ALDH5A1: variants seen among roughly 807,000 people sequenced by gnomAD.
ALDH5A1 encodes the protein aldehyde dehydrogenase 5 family member A1.
Under a neutral mutation model 54.7 loss-of-function variants are expected in ALDH5A1, and 33 were observed. That is an observed-to-expected ratio of 0.60 (90% CI 0.46 to 0.81). The LOEUF (loss-of-function observed/expected upper bound fraction) is 0.81. ALDH5A1 is among the 30% of genes least tolerant of loss of function. The pLI is 0.00. For missense variants in ALDH5A1, 657 were observed against 711.0 expected (o/e 0.92, Z 0.86); for synonymous variants, 294 against 292.7 (o/e 1.00, Z -0.05).
intron 4 of ALDH5A1, among the ~76,000 whole-genome samples, chr6:24,506,273 T>TTTTTTTTTTTTTTTTG (rs1390825941): frequency 9.5e-6 from 1 of 105,014 alleles, no homozygotes; most frequent in Non-Finnish European, 1.8e-5. Context: ...TTTTTTTTTT[T>TTTTTTTTTTTTTTTTG]GAGACAGTCT....
intron 1 of ALDH5A1, among the ~76,000 whole-genome samples, chr6:24,495,694 C>T (rs6921275): frequency 0.03 from 4,620 of 152,186 alleles, 151 homozygotes; most frequent in African/African-American, 0.071. Flanking sequence ...GGAGGGGTGT[C>T]AGGGAAGTGA....
chr6:24,535,780 A>C lies in ALDH5A1; in HGVS notation c.*2068A>C, dbSNP rs1760035877. The C allele has an allele frequency of 6.6e-6, 1 of 152,242 alleles. No homozygotes were observed. The highest frequency in any genetic ancestry group is 2.4e-5 in the African/African-American group (1 of 41,454). 9.4% of individuals were successfully genotyped at this position (152,242 alleles called of 1,614,324 possible). On this transcript the variant is annotated 3_prime_UTR_variant, in exon 10 of 10. Coordinates refer to ENST00000357578, the MANE Select transcript of ALDH5A1 (RefSeq NM_001080.3). ...CAGTGAGCAGAGATCACGCCACTGC[A>C]CTCCAGCCTGGATGACAGAGCGAGA...
At position 24,509,469 on chromosome 6, in the gene ALDH5A1, C is replaced by T. The variant is rs1397230180; in HGVS notation, c.726+4484C>T. Reference sequence around the variant, plus strand: ...AATTCTGCTGTGAATCTGTCTGGTCCTGAACTTTTTTTGGTTGGTAATTAT... The same window carrying T: ...AATTCTGCTGTGAATCTGTCTGGTCTTGAACTTTTTTTGGTTGGTAATTAT... On this transcript the variant is annotated intron_variant, in intron 4 of 9. Coordinates refer to ENST00000357578, the MANE Select transcript of ALDH5A1 (RefSeq NM_001080.3). This position sits in a 1 kb window ranked among gnomAD's most constrained non-coding sequence, Gnocchi z 4.7. 6.6e-6 allele frequency among the ~76,000 whole-genome samples: 1 copy of T among 152,156 alleles called. No homozygotes were observed. The highest frequency in any genetic ancestry group is 1.5e-5 in the Non-Finnish European group (1 of 68,016).
At chr6:24,524,747 G>A (rs1759769509) in intron 7 of ALDH5A1, among the ~76,000 whole-genome samples, 1 of 152,236 alleles carries the variant, frequency 6.6e-6, no homozygotes, top group Non-Finnish European at 1.5e-5. Context: ...CACTTGTCTA[G>A]TGAAGGCAAT....
intron 7 of ALDH5A1, among the ~76,000 whole-genome samples, chr6:24,524,093 C>G (rs1759757931): frequency 6.7e-6 from 1 of 148,174 alleles, no homozygotes; most frequent in African/African-American, 2.5e-5. Context: ...TCAATTGATT[C>G]TCCTGCCTCA....
At chr6:24,527,669 C>G (rs979322639) in intron 7 of ALDH5A1, among the ~76,000 whole-genome samples, 4 of 152,176 alleles carry the variant, frequency 2.6e-5, no homozygotes, top group African/African-American at 9.7e-5. Context: ...ATCCAAGAAG[C>G]TAGAAATAAC....
At chr6:24,508,212 A>C (rs1247371471) in intron 4 of ALDH5A1, among the ~76,000 whole-genome samples, 1 of 151,640 alleles carries the variant, frequency 6.6e-6, no homozygotes, top group African/African-American at 2.4e-5. Context: ...AAAATACAAA[A>C]ATTAGCTGGG....
Position 24,522,782 on chromosome 6 carries a change from A to G in ALDH5A1, c.1030A>G (p.Asn344Asp). 1 of 1,613,990 alleles carries G rather than the reference A, an allele frequency of 6.2e-7. No homozygotes were observed. Among genetic ancestry groups the G allele is most frequent in the Non-Finnish European group, 8.5e-7 (1 of 1,179,956 alleles). ...TCCTGTCCAGACTTGTGTTTGCTCAAACCAATTCTTGGTGCAAAGGGGCAT... is the reference window on the plus strand; with the variant it reads ...TCCTGTCCAGACTTGTGTTTGCTCAGACCAATTCTTGGTGCAAAGGGGCAT... The part of the protein sequence containing the change: ...RNTGQTCVCS[N>D]QFLVQRGIHD... The change falls in exon 7 of 10, where the codon AAC becomes GAC. Residue 344 changes from asparagine to aspartate, a missense_variant. Around this residue, in one of 2 missense-constraint regions of ALDH5A1, gnomAD observed 425 missense variants for 516.4 expected, o/e 0.82. Transcript: ENST00000357578.
rs773479400 is a variant in ALDH5A1, at chr6:24,515,303, C to T, written c.863C>T (p.Thr288Ile). ...SKISFTGSTTTGKILLHHAAN... is the reference protein window; with the variant it reads ...SKISFTGSTTIGKILLHHAAN... ...ATTTCCTTTACTGGTTCAACAACTA[C>T]AGGAAAGGTATGTGACTCAAGTTTC... is the stretch of plus-strand genomic sequence containing the variant. Residue 288 changes from threonine (T) to isoleucine (I), a missense_variant, in exon 5 of 10, where the codon ACA becomes ATA. Thr to Ile is a moderately conservative substitution (Grantham distance 89, BLOSUM62 -1). This residue lies in a region of ALDH5A1 where 425 missense variants were observed against 516.4 expected (regional missense o/e 0.82). Transcript: ENST00000357578. The T allele has an allele frequency of 3.7e-6, 6 of 1,613,802 alleles. No homozygotes were observed. In the South Asian group the frequency reaches 4.4e-5, roughly 12 times the overall value.
intron 8 of ALDH5A1, among the ~76,000 whole-genome samples, chr6:24,528,616 C>A (rs1462754022): frequency 6.6e-6 from 1 of 150,942 alleles, no homozygotes; most frequent in Non-Finnish European, 1.5e-5. Flanking sequence ...CTGCGTTGGC[C>A]TTCCAAAGTG....
intron 6 of ALDH5A1, 101 bp downstream of exon 6, chr6:24,520,645 T>TGTGC (rs1169753792): frequency 2.0e-6 from 3 of 1,498,290 alleles, no homozygotes; most frequent in Non-Finnish European, 2.7e-6. Flanking sequence ...TGTGTGTGTG[T>TGTGC]GTGCGTGTGT....
chr6:24,501,947 A>ATG (rs1434339990), intron 1 of ALDH5A1, among the ~76,000 whole-genome samples: 4 of 149,606 alleles, frequency 2.7e-5, no homozygotes, highest in Non-Finnish European at 4.4e-5. Flanking sequence ...GTGTATATAT[A>ATG]TATGTGTATG....
rs369366567 is a variant in ALDH5A1, at chr6:24,503,342, G to A, written c.518G>A (p.Arg173His). The A allele has an allele frequency of 1.3e-4, 213 of 1,614,106 alleles. 1 individual carries two copies. Among genetic ancestry groups the A allele is most frequent in the Middle Eastern group, 1.2e-3 (7 of 6,062 alleles). Residue 173 changes from arginine to histidine, a missense_variant, in exon 3 of 10, where the codon CGT becomes CAT. Physicochemically the swap from Arg to His is conservative, Grantham distance 29. This residue lies in a region of ALDH5A1 where 425 missense variants were observed against 516.4 expected (regional missense o/e 0.82). Coordinates refer to ENST00000357578, the MANE Select transcript of ALDH5A1 (RefSeq NM_001080.3). ...FLEWFSEEAR[R>H]VYGDIIHTPA... Reference sequence around the variant, plus strand: ...GAGTGGTTCTCTGAGGAAGCCCGCCGTGTTTACGGAGACATTATCCACACC... The same window carrying A: ...GAGTGGTTCTCTGAGGAAGCCCGCCATGTTTACGGAGACATTATCCACACC...
chr6:24,499,728 G>C (rs1343896310), intron 1 of ALDH5A1, among the ~76,000 whole-genome samples: 1 of 29,232 alleles, frequency 3.4e-5, no homozygotes, highest in African/African-American at 2.9e-4. Context: ...GTGCAGTGGC[G>C]CAGTCTCGGC....
At chr6:24,527,681 G>T (rs7768735) in intron 7 of ALDH5A1, among the ~76,000 whole-genome samples, 2 of 152,082 alleles carry the variant, frequency 1.3e-5, no homozygotes, top group Non-Finnish European at 2.9e-5. Flanking sequence ...AGAAATAACC[G>T]CAGAATGCAA....
At chr6:24,504,721 G>C (rs1759304180) in intron 3 of ALDH5A1, 148 bp from the exon 4 acceptor site, 2 of 782,476 alleles carry the variant, frequency 2.6e-6, no homozygotes, top group South Asian at 2.9e-5. Context: ...GGGGGGGTCA[G>C]GTGTTCTGAG....
chr6:24,500,000 A>C (rs1764790234), intron 1 of ALDH5A1, among the ~76,000 whole-genome samples: 1 of 151,872 alleles, frequency 6.6e-6, no homozygotes, highest in African/African-American at 2.4e-5. Context: ...GTAGAGACAG[A>C]TCTCACCGCA....
At position 24,495,044 on chromosome 6, in the gene ALDH5A1, G is replaced by A. The variant is rs1034598523; in HGVS notation, c.48G>A (p.Gly16=). The change falls in exon 1 of 10, where the codon GGG becomes GGA. Residue 16 remains glycine, a synonymous_variant. Coordinates refer to ENST00000357578, the MANE Select transcript of ALDH5A1 (RefSeq NM_001080.3). ...GGAGCTGTGGGGCCCGGCGCCTCGG[G>A]TCGACGTTTCCAGGCTGCCGCCTCC... The part of the protein sequence containing the change: ...WLRSCGARRL[G]STFPGCRLRP... 5.2e-6 allele frequency: 7 copies of A among 1,358,844 alleles called. No homozygotes were observed. The highest frequency in any genetic ancestry group is 3.0e-5 in the African/African-American group (2 of 67,056). 84.2% of individuals were successfully genotyped at this position (1,358,844 alleles called of 1,614,324 possible). A position where few individuals can be genotyped will look rare whatever the true frequency, so the allele number is the denominator to read the frequency against.
Position 24,503,371 on chromosome 6 carries a change from G to A in ALDH5A1, c.547G>A (p.Ala183Thr). Residue 183 changes from alanine to threonine, a missense_variant, in exon 3 of 10, where the codon GCA (alanine) becomes ACA (threonine). Physicochemically the swap from Ala to Thr is moderately conservative, Grantham distance 58. Around this residue, in one of 2 missense-constraint regions of ALDH5A1, gnomAD observed 425 missense variants for 516.4 expected, o/e 0.82. Transcript: ENST00000357578. Reference protein sequence around the residue: ...RVYGDIIHTPAKDRRALVLKQ... With the variant: ...RVYGDIIHTPTKDRRALVLKQ... The stretch of plus-strand genomic sequence containing the variant: ...TTACGGAGACATTATCCACACCCCG[G>A]CAAAGGACAGGCGGGCCCTGGTCCT... The A allele has an allele frequency of 1.9e-6, 3 of 1,613,972 alleles. No homozygotes were observed. Among genetic ancestry groups the A allele is most frequent in the Non-Finnish European group, 2.5e-6 (3 of 1,180,034 alleles).
Sources: allele counts gnomAD v4.1 joint callset (sites outside exome capture counted in the v4.1 genomes callset), GRCh38; gene constraint gnomAD v4.1.1; regional missense constraint gnomAD v4.1.1; non-coding constraint Gnocchi (gnomAD v3.1); transcripts MANE v1.5; gene names NCBI Gene and HGNC (gene_info 2026-07-23, HGNC 2026-07-21).